DPRX: variants seen among roughly 807,000 people sequenced by gnomAD.
The protein encoded by DPRX is divergent paired-related homeobox.
Under a neutral mutation model 8.4 loss-of-function variants are expected in DPRX, and 11 were observed. The ratio of observed to expected loss-of-function variants is 1.31; its 90% CI spans 0.82 to 2.17. DPRX has a LOEUF of 2.17. DPRX is among the 30% of genes most tolerant of loss of function. DPRX has a pLI of 0.00. For synonymous variants in DPRX, 72 were observed against 87.0 expected (o/e 0.83, Z 0.96); for missense variants, 211 against 236.7 (o/e 0.89, Z 0.71).
upstream of DPRX, chr19:53,631,961 G>A (rs1398497804): frequency 9.6e-7 from 1 of 1,044,624 alleles, no homozygotes; most frequent in East Asian, 2.4e-5. Flanking sequence ...GAGGACCGAG[G>A]GATCATATTG....
At chr19:53,602,696 G>A in the DPRX span, among the ~76,000 whole-genome samples, 47 of 151,918 alleles carry the variant, frequency 3.1e-4, no homozygotes, top group Admixed American at 9.9e-4. Flanking sequence ...CACCGTGCTC[G>A]GCTAATTTTT....
chr19:53,602,276 GT>G, the DPRX span: 2 of 189,000 alleles, frequency 1.1e-5, no homozygotes, highest in Non-Finnish European at 2.1e-5. Flanking sequence ...GGGTGTGTGT[GT>G]GTGTGTGTGT....
the DPRX span, among the ~76,000 whole-genome samples, chr19:53,602,894 TCTCAA>T: frequency 6.6e-6 from 1 of 151,622 alleles, no homozygotes; most frequent in East Asian, 2.0e-4. Flanking sequence ...GCCAGGCTGG[TCTCAA>T]CTCCTCACCT....
chr19:53,616,868 C>T, the DPRX span: 14,467 of 1,588,122 alleles, frequency 9.1e-3, 80 homozygotes, highest in Middle Eastern at 0.018. Context: ...CTGAAGAAGC[C>T]GCCCTGGCTG....
At chr19:53,632,114 G>A in exon 1 of DPRX, 1 of 1,613,982 alleles carries the variant, frequency 6.2e-7, no homozygotes, top group Non-Finnish European at 8.5e-7. Flanking sequence ...AAGATGCCAG[G>A]CTCAGAGGAT....
At chr19:53,628,986 C>CA (rs1011555031), upstream of DPRX, among the ~76,000 whole-genome samples, 99 of 152,102 alleles carry the variant, frequency 6.5e-4, no homozygotes, top group African/African-American at 2.2e-3. Flanking sequence ...ATGGATTAAA[C>CA]AATATGGTTT....
Position 53,634,695 on chromosome 19 carries a change from T to A in DPRX, c.183+10T>A. On this transcript the variant is annotated intron_variant, in intron 2 of 2. Transcript: ENST00000376650. ...CCCAACAGTACTGCAGGTTGGAAAA[T>A]GATCCCTCTTCTCACTAAACTGCCT... The A allele has an allele frequency of 6.2e-7, 1 of 1,608,590 alleles. No individual in the cohort carries two copies. Among genetic ancestry groups the A allele is most frequent in the Non-Finnish European group, 8.5e-7 (1 of 1,178,298 alleles).
At chr19:53,608,681 A>G in the DPRX span, among the ~76,000 whole-genome samples, 6,213 of 152,228 alleles carry the variant, frequency 0.041, 287 homozygotes, top group East Asian at 0.14. Context: ...GGCCAGGCGC[A>G]GTGGCTCACG....
At chr19:53,635,302 G>A (rs1953543420) in intron 2 of DPRX, among the ~76,000 whole-genome samples, 1 of 152,128 alleles carries the variant, frequency 6.6e-6, no homozygotes, top group East Asian at 1.9e-4. Context: ...AAGCCACTGC[G>A]CCTGGCCTGA....
At chr19:53,613,652 G>A in the DPRX span, among the ~76,000 whole-genome samples, 8 of 150,644 alleles carry the variant, frequency 5.3e-5, no homozygotes, top group African/African-American at 1.7e-4. Context: ...GAGCCACCGC[G>A]CCTGGCCTCT....
the DPRX span, among the ~76,000 whole-genome samples, chr19:53,616,416 T>G: frequency 6.6e-6 from 1 of 152,054 alleles, no homozygotes; most frequent in Non-Finnish European, 1.5e-5. Context: ...GTCAAACACC[T>G]TTTTTCCATA....
chr19:53,622,341 G>C, the DPRX span, among the ~76,000 whole-genome samples: 1 of 152,048 alleles, frequency 6.6e-6, no homozygotes, highest in Non-Finnish European at 1.5e-5. Flanking sequence ...TTAGTTAAGA[G>C]AGAGAGAGAG....
At chr19:53,633,685 C>T (rs934558891) in intron 1 of DPRX, among the ~76,000 whole-genome samples, 6 of 151,958 alleles carry the variant, frequency 3.9e-5, no homozygotes, top group South Asian at 4.2e-4. Flanking sequence ...AATTTTTGTA[C>T]TTTTAGTAGA....
the DPRX span, chr19:53,616,927 T>G: frequency 2.2e-6 from 3 of 1,344,096 alleles, no homozygotes; most frequent in African/African-American, 4.3e-5. Context: ...GGTGTCTTAC[T>G]TCCTCATCAC....
chr19:53,601,870 T>A, the DPRX span: 4 of 379,246 alleles, frequency 1.1e-5, no homozygotes, highest in Non-Finnish European at 2.1e-5. Context: ...GGAGGGGGTG[T>A]CCATGAACAG....
At chr19:53,625,512 C>T in the DPRX span, among the ~76,000 whole-genome samples, 1 of 152,044 alleles carries the variant, frequency 6.6e-6, no homozygotes, top group Non-Finnish European at 1.5e-5. Context: ...GAGGATAGAG[C>T]CTCAGTGATG....
At chr19:53,631,043 C>T (rs1458879590), upstream of DPRX, among the ~76,000 whole-genome samples, 3 of 151,830 alleles carry the variant, frequency 2.0e-5, no homozygotes, top group African/African-American at 4.8e-5. Flanking sequence ...GATGGGGTTT[C>T]GCCATGTTGG....
chr19:53,613,318 G>C, the DPRX span, among the ~76,000 whole-genome samples: 1 of 151,998 alleles, frequency 6.6e-6, no homozygotes, highest in Non-Finnish European at 1.5e-5. Context: ...AGAGGAGGGG[G>C]GAGGTCACTG....
chr19:53,610,265 A>C, the DPRX span, among the ~76,000 whole-genome samples: 4 of 150,456 alleles, frequency 2.7e-5, no homozygotes, highest in East Asian at 2.0e-4. Flanking sequence ...GGTTGCAGTG[A>C]GCAGAGATCA....
Sources: gnomAD v4.1 joint callset for allele counts (sites outside exome capture counted in the v4.1 genomes callset) on GRCh38, gnomAD v4.1.1 for gene constraint, MANE v1.5 for transcripts, NCBI Gene and HGNC (gene_info 2026-07-23, HGNC 2026-07-21) for gene names.